The following PGAP4 variants were observed in gnomAD, a reference collection of about 807,000 sequenced individuals.
PGAP4 encodes post-GPI attachment to proteins GalNAc transferase 4, also known as GPI-N-acetylgalactosamine transferase PGAP4.
PGAP4 carries 12 observed loss-of-function variants against 28.2 expected under a neutral mutation model. The ratio of observed to expected loss-of-function variants is 0.42; its 90% CI spans 0.27 to 0.69. PGAP4 has a LOEUF of 0.69. Among genes scored for constraint, PGAP4 ranks in the 30% least tolerant of loss-of-function variants. The probability of loss-of-function intolerance (pLI) is 0.22; values close to 1 mark genes in which losing one functional copy is unlikely to be tolerated. For missense variants in PGAP4, 425 were observed against 513.5 expected (o/e 0.83, Z 1.67); for synonymous variants, 205 against 211.8 (o/e 0.97, Z 0.28).
chr9:101,529,143 T>C (rs1048622555), intron 2 of PGAP4, among the ~76,000 whole-genome samples: 2 of 149,460 alleles, frequency 1.3e-5, no homozygotes, highest in African/African-American at 2.5e-5. Context: ...AGCTGCATGG[T>C]GTCTCTCGGC....
At chr9:101,523,150 C>A (rs1432881259) in intron 2 of PGAP4, among the ~76,000 whole-genome samples, 2 of 151,112 alleles carry the variant, frequency 1.3e-5, no homozygotes. Context: ...TGCCTCACAG[C>A]TCTTAAGATT....
chr9:101,527,732 A>T (rs1462114308), intron 2 of PGAP4, among the ~76,000 whole-genome samples: 1 of 152,236 alleles, frequency 6.6e-6, no homozygotes, highest in Non-Finnish European at 1.5e-5. Flanking sequence ...ACAAACAAAA[A>T]TATACTTACA....
chr9:101,479,262 AATACTAG>A (rs1826413217), intron 1 of PGAP4, among the ~76,000 whole-genome samples: 1 of 152,244 alleles, frequency 6.6e-6, no homozygotes, highest in African/African-American at 2.4e-5. Flanking sequence ...GATGGAAGCC[AATACTAG>A]AATTGGGCTG....
chr9:101,523,632 T>A (rs998733307), intron 2 of PGAP4, among the ~76,000 whole-genome samples: 11 of 97,206 alleles, frequency 1.1e-4, no homozygotes, highest in African/African-American at 4.8e-4. Flanking sequence ...TTTTTTTTTT[T>A]TTTTTTTTTT....
chr9:101,488,910 C>G (rs140012501), upstream of PGAP4, among the ~76,000 whole-genome samples: 30 of 152,264 alleles, frequency 2.0e-4, no homozygotes, highest in African/African-American at 7.2e-4. Flanking sequence ...AAAACCAAGT[C>G]TCTGCCTTTA....
Position 101,477,232 on chromosome 9 carries a change from A to AAACAAAC in PGAP4, c.-77-64_-77-63insGTTTGTT, listed in dbSNP as rs1008210593. The AAACAAAC allele has an allele frequency of 4.6e-6, 6 of 1,308,444 alleles. No individual in the cohort carries two copies. The South Asian group carries it at 5.3e-5, about 12-fold the overall frequency. The allele number at this position is 1,308,444 out of a possible 1,614,324, so 81.1% of individuals were successfully genotyped here. ...TAAAAAAACAAACAAACAAACAAAC[A>AAACAAAC]AAAAAACAAAAGGACAAGAACTGAG... On this transcript the variant is annotated intron_variant, in intron 1 of 1. Coordinates refer to ENST00000374848, the MANE Select transcript of PGAP4 (RefSeq NM_032342.3).
At chr9:101,514,885 T>G (rs1826930420) in intron 2 of PGAP4, among the ~76,000 whole-genome samples, 1 of 152,128 alleles carries the variant, frequency 6.6e-6, no homozygotes, top group African/African-American at 2.4e-5. Context: ...ATAGGATCTG[T>G]TGGGAACTCC....
chr9:101,524,443 C>T (rs1827015920), intron 2 of PGAP4, among the ~76,000 whole-genome samples: 1 of 152,180 alleles, frequency 6.6e-6, no homozygotes. Flanking sequence ...CCTTCTCAGC[C>T]TGTGAGTCTG....
At chr9:101,533,487 C>G (rs3818336), upstream of PGAP4, 1 of 152,170 alleles carries the variant, frequency 6.6e-6, no homozygotes, top group Non-Finnish European at 1.5e-5. Flanking sequence ...GTCATGTCCC[C>G]GGAGATTGAC....
chr9:101,481,252 T>C (rs1199815352), intron 1 of PGAP4: 5 of 152,176 alleles, frequency 3.3e-5, no homozygotes, highest in African/African-American at 2.4e-5. Context: ...TATAAAAACA[T>C]AGGATTTTTC....
rs532261996 is a variant in PGAP4 at position 101,509,521 on chromosome 9, A to G, written c.-164-20321T>C. The stretch of plus-strand genomic sequence containing the variant: ...TTGAAGTGGCTCTTGTAATTCAAAA[A>G]CTCTGGCCAGCAATCTACCTTTAGA... On this transcript the variant is annotated intron_variant, in intron 2 of 3. Coordinates refer to the PGAP4 transcript ENST00000374851. 2.6e-5 allele frequency among the ~76,000 whole-genome samples: 4 copies of G among 152,188 alleles called. No individual in the cohort carries two copies. The South Asian group carries it at 8.3e-4, about 32-fold the overall frequency.
intron 2 of PGAP4, among the ~76,000 whole-genome samples, chr9:101,495,177 ATAT>A (rs1826728567): frequency 9.4e-6 from 1 of 106,386 alleles, no homozygotes; most frequent in Non-Finnish European, 1.8e-5. Flanking sequence ...TATATTATAT[ATAT>A]TTTTTGTATA....
At chr9:101,523,282 A>T (rs1827003999) in intron 2 of PGAP4, among the ~76,000 whole-genome samples, 1 of 152,136 alleles carries the variant, frequency 6.6e-6, no homozygotes, top group Non-Finnish European at 1.5e-5. Flanking sequence ...TTCCTTGATT[A>T]TTCCCCCAAA....
chr9:101,477,273 A>C, intron 1 of PGAP4, 104 bp from the exon 2 acceptor site: 1 of 786,716 alleles, frequency 1.3e-6, no homozygotes, highest in Non-Finnish European at 1.8e-6. Context: ...CACATATCAA[A>C]CCAGAAATTA....
At chr9:101,481,072 T>C (rs893984285) in intron 1 of PGAP4, among the ~76,000 whole-genome samples, 32 of 152,080 alleles carry the variant, frequency 2.1e-4, no homozygotes, top group African/African-American at 7.5e-4. Flanking sequence ...AGCTACTCAG[T>C]AGGCTGAGGC....
At position 101,473,928 on chromosome 9, in the gene PGAP4, G is replaced by A. The variant is rs1039170589; in HGVS notation, c.*1953C>T. ...TCATCTAGTAGCTCTGATCACTTTG[G>A]ACATTGCTGGGGGATACATAACAGC... On this transcript the variant is annotated 3_prime_UTR_variant, in exon 2 of 2. Coordinates refer to ENST00000374848, the MANE Select transcript of PGAP4 (RefSeq NM_032342.3). The A allele has an allele frequency of 6.6e-6, 1 of 152,094 alleles. No individual in the cohort carries two copies. The highest frequency in any genetic ancestry group is 6.5e-5 in the Admixed American group (1 of 15,270). The allele number at this position is 152,094 out of a possible 1,614,324, so 9.4% of individuals were successfully genotyped here.
intron 2 of PGAP4, among the ~76,000 whole-genome samples, chr9:101,511,585 T>C (rs1826899042): frequency 6.6e-6 from 1 of 152,190 alleles, no homozygotes; most frequent in South Asian, 2.1e-4. Flanking sequence ...TTAAGGGACC[T>C]TTGTTAGGCT....
chr9:101,521,880 T>C (rs965722173), intron 2 of PGAP4, among the ~76,000 whole-genome samples: 3 of 152,166 alleles, frequency 2.0e-5, no homozygotes, highest in Non-Finnish European at 4.4e-5. Flanking sequence ...CCATTGCCTT[T>C]GCTGGATCCC....
chr9:101,501,938 G>A (rs760553373), intron 2 of PGAP4: 31 of 344,456 alleles, frequency 9.0e-5, no homozygotes, highest in Admixed American at 1.4e-4. Context: ...TCGCCACCAG[G>A]CCCTGGGCTA....
Sources: gnomAD v4.1 joint callset for allele counts (sites outside exome capture counted in the v4.1 genomes callset) on GRCh38, gnomAD v4.1.1 for gene constraint, MANE v1.5 for transcripts, NCBI Gene and HGNC (gene_info 2026-07-23, HGNC 2026-07-21) for gene names.